Variants in NDST4 observed in about 807,000 individuals in gnomAD.
NDST4 encodes N-deacetylase and N-sulfotransferase 4, also known as N-heparan sulfate sulfotransferase 4.
A neutral mutation model predicts 100.8 loss-of-function variants in NDST4; 63 were observed. The observed-to-expected ratio is 0.62, with a 90% CI of 0.51 to 0.77. The LOEUF is 0.77. NDST4 is among the 30% of genes least tolerant of loss of function. The pLI, the probability that NDST4 is intolerant of heterozygous loss-of-function variation, is 0.00. For missense variants in NDST4, 943 were observed against 1,018.4 expected, an observed-to-expected ratio of 0.93 and a Z score of 1.01; for synonymous variants, 377 against 361.8, an observed-to-expected ratio of 1.04 and a Z score of -0.48.
intron 2 of NDST4, among the ~76,000 whole-genome samples, chr4:114,999,328 G>A (rs1727232683): frequency 6.6e-6 from 1 of 151,906 alleles, no homozygotes; most frequent in Non-Finnish European, 1.5e-5. Flanking sequence ...CTAGTGGTGT[G>A]ACCATTTAGA....
intron 2 of NDST4, among the ~76,000 whole-genome samples, chr4:115,008,157 C>G (rs1727461815): frequency 7.7e-6 from 1 of 129,384 alleles, no homozygotes; most frequent in South Asian, 3.0e-4. Context: ...ACTCTTTATC[C>G]AATTTGCCGG....
chr4:115,061,434 T>C lies in NDST4; in HGVS notation c.978+14625A>G, dbSNP rs546019885. Among the ~76,000 whole-genome samples, 14 of 152,238 alleles carry C rather than the reference T, an allele frequency of 9.2e-5. No homozygotes were observed. The South Asian group carries it at 2.7e-3, about 29-fold the overall frequency. ...GTGGCACATATACACCATGGAATAC[T>C]ATGCAGCCATAAAAAAGAATGAGTT... On this transcript the variant is annotated intron_variant, in intron 2 of 13. Coordinates refer to ENST00000264363, the MANE Select transcript of NDST4 (RefSeq NM_022569.3).
chr4:114,832,963 A>G (rs934425877), intron 12 of NDST4, among the ~76,000 whole-genome samples: 1 of 149,466 alleles, frequency 6.7e-6, no homozygotes, highest in Non-Finnish European at 1.5e-5. Flanking sequence ...CAGTCATCTG[A>G]GTCAAAGCCA....
intron 2 of NDST4, among the ~76,000 whole-genome samples, chr4:115,005,282 T>C (rs996092047): frequency 2.0e-5 from 3 of 152,264 alleles, no homozygotes; most frequent in Admixed American, 6.5e-5. Flanking sequence ...AATAAACACA[T>C]TACATAATAT....
intron 1 of NDST4, among the ~76,000 whole-genome samples, chr4:115,102,014 T>C (rs1052455146): frequency 1.3e-5 from 2 of 151,858 alleles, no homozygotes; most frequent in African/African-American, 4.8e-5. Context: ...GTCAGGGGAG[T>C]GACATGATCA....
At chr4:115,095,464 C>T (rs1729601529) in intron 1 of NDST4, among the ~76,000 whole-genome samples, 1 of 152,110 alleles carries the variant, frequency 6.6e-6, no homozygotes, top group Non-Finnish European at 1.5e-5. Flanking sequence ...TTTTCTCTCC[C>T]AGTTAGTCTA....
intron 1 of NDST4, among the ~76,000 whole-genome samples, chr4:115,112,278 A>T (rs1045537578): frequency 5.3e-5 from 8 of 151,872 alleles, no homozygotes; most frequent in African/African-American, 1.9e-4. Context: ...ACCAATTACA[A>T]TAACTTTCAT....
intron 2 of NDST4, among the ~76,000 whole-genome samples, chr4:115,046,105 C>T (rs1469704113): frequency 3.9e-5 from 6 of 152,098 alleles, no homozygotes; most frequent in Admixed American, 2.6e-4. Context: ...GATATACCTG[C>T]GACTCTCAGA....
intron 6 of NDST4, among the ~76,000 whole-genome samples, chr4:114,922,111 G>C (rs1461252008): frequency 2.0e-5 from 3 of 152,124 alleles, no homozygotes; most frequent in Non-Finnish European, 2.9e-5. Flanking sequence ...GTTGTTAACT[G>C]TCTCTCTAAA....
chr4:114,970,088 T>C (rs2126240670), intron 4 of NDST4, among the ~76,000 whole-genome samples: 1 of 152,290 alleles, frequency 6.6e-6, no homozygotes, highest in Non-Finnish European at 1.5e-5. Flanking sequence ...TAAATTATTT[T>C]TGAATGGTTA....
At chr4:114,833,463 A>T in intron 12 of NDST4, 143 bp downstream of exon 12, 1 of 612,872 alleles carries the variant, frequency 1.6e-6, no homozygotes, top group South Asian at 2.0e-5. Context: ...TACATGATTG[A>T]TGAGGATATT....
At chr4:114,983,984 C>T (rs1439990331) in intron 2 of NDST4, among the ~76,000 whole-genome samples, 1 of 152,080 alleles carries the variant, frequency 6.6e-6, no homozygotes, top group African/African-American at 2.4e-5. Context: ...CCTCCTCCTG[C>T]CAAGTAAGAT....
At chr4:114,930,963 G>T (rs1203833207) in intron 6 of NDST4, among the ~76,000 whole-genome samples, 1 of 151,848 alleles carries the variant, frequency 6.6e-6, no homozygotes, top group South Asian at 2.1e-4. Context: ...TAAAAAATAA[G>T]CTTCAGGTCA....
At chr4:114,928,734 C>G (rs767523009) in intron 6 of NDST4, among the ~76,000 whole-genome samples, 13 of 152,220 alleles carry the variant, frequency 8.5e-5, no homozygotes, top group South Asian at 2.1e-4. Context: ...TTTAATCAAG[C>G]TGTTGAAGGC....
intron 4 of NDST4, 121 bp from the exon 5 acceptor site, chr4:114,937,624 C>A (rs1422761706): frequency 3.8e-6 from 3 of 790,982 alleles, no homozygotes; most frequent in Non-Finnish European, 5.7e-6. Context: ...AATTAAAAAT[C>A]CAGCAAGGTA....
At chr4:115,094,547 A>G (rs557750883) in intron 1 of NDST4, among the ~76,000 whole-genome samples, 11 of 152,314 alleles carry the variant, frequency 7.2e-5, no homozygotes, top group African/African-American at 2.6e-4. Flanking sequence ...AGAATAAAAC[A>G]TAATGACAAA....
intron 4 of NDST4, among the ~76,000 whole-genome samples, chr4:114,938,514 G>C (rs1308353647): frequency 2.0e-5 from 3 of 152,164 alleles, no homozygotes; most frequent in African/African-American, 7.2e-5. Flanking sequence ...CTCCTTGTAG[G>C]ATTGAATCTC....
intron 6 of NDST4, among the ~76,000 whole-genome samples, chr4:114,927,682 A>G (rs754783901): frequency 4.6e-5 from 7 of 152,144 alleles, no homozygotes; most frequent in Admixed American, 6.6e-5. Context: ...ATACTAAAAT[A>G]ACAATACTAA....
chr4:114,943,218 A>G (rs997015106), intron 4 of NDST4, among the ~76,000 whole-genome samples: 6 of 151,478 alleles, frequency 4.0e-5, no homozygotes, highest in Admixed American at 4.0e-4. Context: ...TAAAAACAGG[A>G]CAAATAGGTA....
Sources: gnomAD v4.1 joint callset for allele counts (sites outside exome capture counted in the v4.1 genomes callset) on GRCh38, gnomAD v4.1.1 for gene constraint, MANE v1.5 for transcripts, NCBI Gene and HGNC (gene_info 2026-07-23, HGNC 2026-07-21) for gene names.